ZNF107: variants seen among roughly 807,000 people sequenced by gnomAD.
The protein encoded by ZNF107 is zinc finger protein 107.
Under a neutral mutation model 12.3 loss-of-function variants are expected in ZNF107, and 19 were observed. The ratio of observed to expected loss-of-function variants is 1.55; its 90% CI spans 1.08 to 2.27. The LOEUF (loss-of-function observed/expected upper bound fraction) is 2.27, where lower values mean the gene tolerates loss of function less well. Ranked by LOEUF, ZNF107 falls within the 30% of genes most tolerant of loss-of-function variation. The pLI is 0.00. For synonymous variants in ZNF107, 317 were observed against 330.5 expected (o/e 0.96, Z 0.44); for missense variants, 958 against 979.9 (o/e 0.98, Z 0.30).
chr7:64,685,926 A>T (rs1328403953), intron 1 of ZNF107, among the ~76,000 whole-genome samples: 1 of 152,126 alleles, frequency 6.6e-6, no homozygotes, highest in African/African-American at 2.4e-5. Context: ...TGCTTATAGG[A>T]CTAGGAGTTA....
At chr7:64,676,999 A>C (rs973827948) in intron 1 of ZNF107, among the ~76,000 whole-genome samples, 5 of 152,208 alleles carry the variant, frequency 3.3e-5, no homozygotes, top group African/African-American at 1.2e-4. Flanking sequence ...TTCTTACATG[A>C]AAATTGTATA....
In ZNF107 at chr7:64,686,660, T is replaced by C. The variant is rs933300234; in HGVS notation, c.4-4588T>C. On this transcript the variant is annotated intron_variant, in intron 1 of 3. Coordinates refer to ENST00000620827, the MANE Select transcript of ZNF107 (RefSeq NM_001282359.2). ...CCAGCACATATGCCTCCAGACTTCC[T>C]GGAACCAGAAAACCTGCAACAACCA... 6 of 984,642 alleles carry C rather than the reference T, an allele frequency of 6.1e-6. No homozygotes were observed. In the Admixed American group the frequency reaches 3.7e-4, roughly 61 times the overall value. 61.0% of individuals were successfully genotyped at this position (984,642 alleles called of 1,614,324 possible). A position where few individuals can be genotyped will look rare whatever the true frequency, so the allele number is the denominator to read the frequency against.
intron 3 of ZNF107, among the ~76,000 whole-genome samples, chr7:64,694,259 G>A (rs772533130): frequency 6.8e-4 from 103 of 152,304 alleles, no homozygotes; most frequent in Non-Finnish European, 1.2e-3. Flanking sequence ...AGGACCTCTC[G>A]CAGACTGTGG....
chr7:64,684,163 T>G (rs1049779470), intron 1 of ZNF107, among the ~76,000 whole-genome samples: 1 of 152,124 alleles, frequency 6.6e-6, no homozygotes, highest in Non-Finnish European at 1.5e-5. Context: ...CTCCTACCAC[T>G]TGTGCTTCTC....
At chr7:64,677,713 G>A (rs945399683) in intron 1 of ZNF107, among the ~76,000 whole-genome samples, 11 of 151,610 alleles carry the variant, frequency 7.3e-5, no homozygotes, top group Admixed American at 1.3e-4. Context: ...TTAGATGGGC[G>A]TGGTAGTGGG....
At chr7:64,686,567 T>C in intron 1 of ZNF107, 1 of 985,342 alleles carries the variant, frequency 1.0e-6, no homozygotes, top group Non-Finnish European at 1.2e-6. Flanking sequence ...GAATGTCATA[T>C]CCCACAAATA....
chr7:64,668,787 T>C (rs1001634823), intron 1 of ZNF107, among the ~76,000 whole-genome samples: 1 of 152,054 alleles, frequency 6.6e-6, no homozygotes, highest in Non-Finnish European at 1.5e-5. Flanking sequence ...GCTTAGTTTT[T>C]AGAGTGCTAG....
Position 64,708,496 on chromosome 7 carries a change from A to G in ZNF107, c.2399A>G (p.Gln800Arg). ...KCEECGKSFN[Q>R]FSSLNIHKII... ...GAAGAATGTGGCAAATCCTTTAACC[A>G]GTTCTCATCTCTTAATATACATAAG... The change falls in exon 4 of 4, where the codon CAG (glutamine) becomes CGG (arginine). Residue 800 changes from glutamine to arginine, a missense_variant. Coordinates refer to ENST00000620827, the MANE Select transcript of ZNF107 (RefSeq NM_001282359.2). 6.2e-7 allele frequency: 1 copy of G among 1,612,752 alleles called. No individual in the cohort carries two copies. Among genetic ancestry groups the G allele is most frequent in the Non-Finnish European group, 8.5e-7 (1 of 1,179,492 alleles).
Position 64,707,091 on chromosome 7 carries a change from A to G in ZNF107, c.994A>G (p.Lys332Glu), listed in dbSNP as rs530465461. 2.5e-6 allele frequency: 4 copies of G among 1,612,546 alleles called. No individual in the cohort carries two copies. Among genetic ancestry groups the G allele is most frequent in the African/African-American group, 2.7e-5 (2 of 74,946 alleles). Residue 332 changes from lysine (K) to glutamate (E), a missense_variant, in exon 4 of 4, where the codon AAG becomes GAG. By Grantham distance (56) the Lys-to-Glu change is moderately conservative (BLOSUM62 1). Transcript: ENST00000620827. ...CCTATTCTCAAATCTTACTAACCAT[A>G]AGAGAATTCATGCTGGGGAGAAACC... is the stretch of plus-strand genomic sequence containing the variant. ...FNLFSNLTNH[K>E]RIHAGEKPYK...
At chr7:64,700,936 C>G (rs542004151) in intron 3 of ZNF107, among the ~76,000 whole-genome samples, 2 of 152,202 alleles carry the variant, frequency 1.3e-5, no homozygotes, top group Admixed American at 6.5e-5. Context: ...TGTTATTGAT[C>G]TTTTATCTGA....
At chr7:64,667,707 G>A (rs1047502004) in intron 1 of ZNF107, among the ~76,000 whole-genome samples, 4 of 152,194 alleles carry the variant, frequency 2.6e-5, no homozygotes, top group African/African-American at 9.7e-5. Flanking sequence ...TGAGGTTGGA[G>A]TGTAGCCTCT....
intron 1 of ZNF107, chr7:64,684,510 T>C: frequency 1.1e-6 from 1 of 898,634 alleles, no homozygotes. Context: ...TAAAGCTGTG[T>C]CCATCTGACA....
At chr7:64,698,476 G>A (rs1031058669) in intron 3 of ZNF107, among the ~76,000 whole-genome samples, 6 of 151,376 alleles carry the variant, frequency 4.0e-5, no homozygotes, top group African/African-American at 1.5e-4. Flanking sequence ...AGGCTAGAGT[G>A]CAGTGGTGTG....
intron 1 of ZNF107, chr7:64,687,257 T>G: frequency 2.1e-5 from 21 of 986,192 alleles, no homozygotes; most frequent in Non-Finnish European, 2.4e-5. Context: ...TATCTCTATA[T>G]GGACTCATGC....
intron 3 of ZNF107, among the ~76,000 whole-genome samples, chr7:64,697,849 G>A (rs1289283627): frequency 6.6e-6 from 1 of 151,880 alleles, no homozygotes; most frequent in Non-Finnish European, 1.5e-5. Context: ...CCGCCACCAC[G>A]CCCGGCTAAT....
intron 3 of ZNF107, among the ~76,000 whole-genome samples, chr7:64,705,020 G>A (rs916011694): frequency 5.3e-5 from 8 of 152,074 alleles, no homozygotes; most frequent in Admixed American, 1.3e-4. Flanking sequence ...TTATTTGGCA[G>A]GACAGTTGTT....
intron 1 of ZNF107, chr7:64,684,533 C>CT (rs554948515): frequency 1.3e-5 from 13 of 973,488 alleles, no homozygotes; most frequent in Non-Finnish European, 1.6e-5. Context: ...CAGCCTGACC[C>CT]TTCTTCCTCC....
At chr7:64,692,878 T>C (rs1196282666) in intron 3 of ZNF107, among the ~76,000 whole-genome samples, 1 of 152,196 alleles carries the variant, frequency 6.6e-6, no homozygotes, top group African/African-American at 2.4e-5. Context: ...AGTATATTTA[T>C]CAGTTTTGAT....
At position 64,709,654 on chromosome 7, in the gene ZNF107, C is replaced by A. The variant is rs370373826; in HGVS notation, c.*998C>A. ...TGGCAACACTTTTAATAAATGCTCA[C>A]CCCTTATTGCACAGGAAAGCATTTA... On this transcript the variant is annotated 3_prime_UTR_variant, in exon 4 of 4. Coordinates refer to ENST00000620827, the MANE Select transcript of ZNF107 (RefSeq NM_001282359.2). The A allele has an allele frequency of 6.6e-6, 3 of 451,440 alleles. No homozygotes were observed. The highest frequency in any genetic ancestry group is 1.6e-5 in the South Asian group (1 of 63,124). The allele number at this position is 451,440 out of a possible 1,614,324, so 28.0% of individuals were successfully genotyped here. A position where few individuals can be genotyped will look rare whatever the true frequency, so the allele number is the denominator to read the frequency against.
Sources: gnomAD v4.1 joint callset for allele counts (sites outside exome capture counted in the v4.1 genomes callset) on GRCh38, gnomAD v4.1.1 for gene constraint, MANE v1.5 for transcripts, NCBI Gene and HGNC (gene_info 2026-07-23, HGNC 2026-07-21) for gene names.